Variants in SORCS3 observed in about 807,000 individuals in gnomAD.
SORCS3 encodes sortilin related VPS10 domain containing receptor 3, also known as VPS10 domain-containing receptor SorCS3.
A neutral mutation model predicts 146.3 loss-of-function variants in SORCS3; 57 were observed. The ratio of observed to expected loss-of-function variants is 0.39; its 90% CI spans 0.31 to 0.49. The LOEUF (loss-of-function observed/expected upper bound fraction) is 0.49. SORCS3 is among the 20% of genes least tolerant of loss of function. The pLI is 0.92. For synonymous variants in SORCS3, 653 were observed against 618.5 expected (o/e 1.06, Z -0.83); for missense variants, 1,341 against 1,575.5 (o/e 0.85, Z 2.52).
chr10:104,903,835 A>G (rs1451511587), intron 2 of SORCS3, among the ~76,000 whole-genome samples: 2 of 152,248 alleles, frequency 1.3e-5, no homozygotes, highest in African/African-American at 2.4e-5. Context: ...AACAGATACA[A>G]GAATCCATAT....
At chr10:105,217,809 G>C (rs1190984790) in intron 19 of SORCS3, 2 of 453,926 alleles carry the variant, frequency 4.4e-6, no homozygotes, top group Non-Finnish European at 8.8e-6. Flanking sequence ...AGAATTTGAT[G>C]CATGTAAACT....
At chr10:105,171,427 A>G (rs2056358942) in intron 13 of SORCS3, among the ~76,000 whole-genome samples, 1 of 152,140 alleles carries the variant, frequency 6.6e-6, no homozygotes, top group African/African-American at 2.4e-5. Flanking sequence ...TCGGCAGAGC[A>G]CCTAATGGGC....
intron 1 of SORCS3, among the ~76,000 whole-genome samples, chr10:104,686,871 A>G (rs886166890): frequency 1.3e-5 from 2 of 152,056 alleles, no homozygotes; most frequent in East Asian, 1.9e-4. Context: ...CCATGCATCC[A>G]TCTGTCAGTC....
intron 1 of SORCS3, among the ~76,000 whole-genome samples, chr10:104,766,742 A>G (rs1356962236): frequency 6.6e-6 from 1 of 152,234 alleles, no homozygotes; most frequent in Non-Finnish European, 1.5e-5. Context: ...AGCAGAGAGC[A>G]CACACTGGGT....
intron 9 of SORCS3, among the ~76,000 whole-genome samples, chr10:105,151,900 A>G (rs1347034152): frequency 2.0e-5 from 3 of 152,034 alleles, no homozygotes; most frequent in Non-Finnish European, 4.4e-5. Context: ...GTAATAATCT[A>G]TCTCTTCTTT....
At chr10:105,132,278 C>T (rs1243174270) in intron 7 of SORCS3, among the ~76,000 whole-genome samples, 4 of 151,910 alleles carry the variant, frequency 2.6e-5, no homozygotes, top group African/African-American at 7.3e-5. Flanking sequence ...ATATCTTTAC[C>T]ATGTATGGTA....
In SORCS3 at chr10:105,227,179, G is replaced by A. The variant is rs1263054785; in HGVS notation, c.2868+3930G>A. Among the ~76,000 whole-genome samples the A allele has an allele frequency of 5.3e-5, 8 of 151,816 alleles. 1 individual carries two copies. Among genetic ancestry groups the A allele is most frequent in the Non-Finnish European group, 1.0e-4 (7 of 67,860 alleles). On this transcript the variant is annotated intron_variant, in intron 20 of 26. Coordinates refer to ENST00000369701, the MANE Select transcript of SORCS3 (RefSeq NM_014978.3). ...AAATCCTTCTGCTTTTCTGATGTAG[G>A]TAATTATTGCTATAAGCGTACCTCT...
rs994589484 is a variant in SORCS3 at position 105,223,364 on chromosome 10, A to G, written c.2868+115A>G. ...ATGCAGGCAATAAGAGGTACTTAAT[A>G]AACCTATGAGCCCACAAAATTGAAT... On this transcript the variant is annotated intron_variant, in intron 20 of 26. Transcript: ENST00000369701. 11 of 1,088,556 alleles carry G rather than the reference A, an allele frequency of 1.0e-5. No individual in the cohort carries two copies. In the Admixed American group the frequency reaches 3.0e-4, roughly 30 times the overall value. 67.4% of individuals were successfully genotyped at this position (1,088,556 alleles called of 1,614,324 possible).
rs773003360 is a variant in SORCS3, at chr10:104,776,875, GA to G, written c.628-65902del. ...GTACCCAAGCTTATTCAGCAGCAGG[GA>G]AAAAAAAAAAAAAACCTCACAAAGC... On this transcript the variant is annotated intron_variant, in intron 1 of 26. Transcript: ENST00000369701. Among the ~76,000 whole-genome samples, 527 of 121,648 alleles carry G rather than the reference GA, an allele frequency of 4.3e-3. 2 individuals are homozygous for G. The highest frequency in any genetic ancestry group is 8.3e-3 in the African/African-American group (272 of 32,888). The allele number at this position is 121,648 out of a possible 152,430, so 79.8% of individuals were successfully genotyped here. A position where few individuals can be genotyped will look rare whatever the true frequency, so the allele number is the denominator to read the frequency against.
intron 12 of SORCS3, among the ~76,000 whole-genome samples, chr10:105,165,799 CT>C (rs1356331219): frequency 6.6e-6 from 1 of 152,160 alleles, no homozygotes; most frequent in Non-Finnish European, 1.5e-5. Flanking sequence ...GTTGTCACTA[CT>C]TTTTCTTTCC....
At chr10:104,973,569 A>G (rs986520585) in intron 3 of SORCS3, among the ~76,000 whole-genome samples, 2 of 149,496 alleles carry the variant, frequency 1.3e-5, no homozygotes, top group African/African-American at 5.0e-5. Context: ...TATTGCGTCT[A>G]TTTGATTCTT....
chr10:105,096,129 C>CAG (rs1339554265), intron 6 of SORCS3, among the ~76,000 whole-genome samples: 1 of 150,806 alleles, frequency 6.6e-6, no homozygotes, highest in African/African-American at 2.4e-5. Flanking sequence ...CACACACACA[C>CAG]ACAGACACAA....
intron 1 of SORCS3, among the ~76,000 whole-genome samples, chr10:104,767,619 C>T (rs2017196114): frequency 9.1e-6 from 1 of 109,426 alleles, no homozygotes; most frequent in South Asian, 4.2e-4. Flanking sequence ...CCCCCTTCCC[C>T]TTTTCCTTCC....
At chr10:105,247,805 G>C (rs527693096) in intron 22 of SORCS3, among the ~76,000 whole-genome samples, 10 of 152,260 alleles carry the variant, frequency 6.6e-5, no homozygotes, top group Non-Finnish European at 2.9e-5. Flanking sequence ...GAAGGAAGAA[G>C]AGAAGTATAA....
chr10:104,989,129 C>T (rs1167000073), intron 4 of SORCS3, among the ~76,000 whole-genome samples: 3 of 152,054 alleles, frequency 2.0e-5, no homozygotes, highest in South Asian at 2.1e-4. Context: ...GTTTCATTGC[C>T]GTATAATATA....
chr10:104,900,301 T>G (rs1170448026), intron 2 of SORCS3, among the ~76,000 whole-genome samples: 1 of 152,198 alleles, frequency 6.6e-6, no homozygotes, highest in Non-Finnish European at 1.5e-5. Flanking sequence ...TGTTCCTTCT[T>G]CTTCACCTCT....
At chr10:105,206,411 A>G (rs2056602925) in intron 16 of SORCS3, among the ~76,000 whole-genome samples, 1 of 152,204 alleles carries the variant, frequency 6.6e-6, no homozygotes, top group Non-Finnish European at 1.5e-5. Context: ...AGAAAGTTCT[A>G]TTGAACAGCA....
At chr10:104,751,923 G>GAATATATATATA (rs1564675362) in intron 1 of SORCS3, among the ~76,000 whole-genome samples, 21 of 21,754 alleles carry the variant, frequency 9.7e-4, no homozygotes, top group Non-Finnish European at 1.9e-3. Context: ...CTAATAGGAA[G>GAATATATATATA]CATATATATA....
At chr10:104,829,422 G>A (rs1440844317) in intron 1 of SORCS3, among the ~76,000 whole-genome samples, 2 of 152,182 alleles carry the variant, frequency 1.3e-5, no homozygotes, top group African/African-American at 4.8e-5. Context: ...TAGAGAACAG[G>A]AGAAGGGCTT....
Sources: allele counts gnomAD v4.1 joint callset (sites outside exome capture counted in the v4.1 genomes callset), GRCh38; gene constraint gnomAD v4.1.1; transcripts MANE v1.5; gene names NCBI Gene and HGNC (gene_info 2026-07-23, HGNC 2026-07-21).